The following FRMPD4 variants were observed in gnomAD, a reference collection of about 807,000 sequenced individuals.
FRMPD4 encodes the protein FERM and PDZ domain-containing protein 4.
A neutral mutation model predicts 94.1 loss-of-function variants in FRMPD4; 22 were observed. The ratio of observed to expected loss-of-function variants is 0.23; its 90% confidence interval spans 0.17 to 0.33. The LOEUF is 0.33. Among genes scored for constraint, FRMPD4 ranks in the 10% least tolerant of loss-of-function variants. The pLI is 1.00. For missense variants in FRMPD4, 1,111 were observed against 1,339.9 expected, an observed-to-expected ratio of 0.83 and a Z score of 2.67; for synonymous variants, 631 against 548.6, an observed-to-expected ratio of 1.15 and a Z score of -2.10.
At chrX:12,143,245 G>A (rs1035636314) in intron 1 of FRMPD4, among the ~76,000 whole-genome samples, 1 of 112,438 alleles carries the variant, frequency 8.9e-6, no homozygotes, top group African/African-American at 3.2e-5. Context: ...ACAGGGGTTG[G>A]CATACTGTGG....
chrX:12,121,355 G>A (rs956683683), intron 3 of FRMPD4, among the ~76,000 whole-genome samples: 2 of 111,320 alleles, frequency 1.8e-5, no homozygotes, highest in Admixed American at 1.9e-4. Context: ...TTATATGTGT[G>A]TAATAGATTT....
chrX:12,491,792 T>G (rs2057795526), intron 1 of FRMPD4, among the ~76,000 whole-genome samples: 1 of 111,814 alleles, frequency 8.9e-6, no homozygotes, highest in Non-Finnish European at 1.9e-5. Flanking sequence ...GATAGAAAGG[T>G]AAGGACATTG....
At chrX:12,194,946 A>G (rs1333659743) in intron 1 of FRMPD4, among the ~76,000 whole-genome samples, 1 of 111,819 alleles carries the variant, frequency 8.9e-6, no homozygotes, top group Admixed American at 9.4e-5. Flanking sequence ...GTTAATACAA[A>G]CCATGTTGCC....
At chrX:12,478,218 ATGT>A (rs1481960336) in intron 1 of FRMPD4, among the ~76,000 whole-genome samples, 7 of 111,715 alleles carry the variant, frequency 6.3e-5, no homozygotes, top group African/African-American at 2.3e-4. Flanking sequence ...GTAGGCCAGG[ATGT>A]TGGTTTCCAT....
At chrX:12,683,720 A>C (rs1450794696) in intron 6 of FRMPD4, 133 bp downstream of exon 6, 13 of 429,425 alleles carry the variant, frequency 3.0e-5, no homozygotes, top group Admixed American at 1.3e-4. Context: ...AGAGGTGTCA[A>C]ATCTCAAGGT....
rs1306593398 is a variant in FRMPD4 at position 12,720,735 on chromosome X, G to C, written c.4166G>C (p.Gly1389Ala). Residue 1389 changes from glycine to alanine, a missense_variant, in exon 17 of 17, where the codon GGG becomes GCG. By Grantham distance (60) the Gly-to-Ala change is moderately conservative. This residue lies in a region of FRMPD4 where 551 missense variants were observed against 591.6 expected (regional missense o/e 0.93). Transcript: ENST00000675598. ...AVSWRPPDLRGGSLRTPPSQK... is the reference protein window; with the variant it reads ...AVSWRPPDLRAGSLRTPPSQK... ...AGCTGGCGGCCACCGGATCTGAGAGGGGGGAGCCTCAGGACACCTCCCAGC... is the reference window on the plus strand; with the variant it reads ...AGCTGGCGGCCACCGGATCTGAGAGCGGGGAGCCTCAGGACACCTCCCAGC... The C allele has an allele frequency of 1.1e-5, 12 of 1,064,614 alleles. No homozygotes were observed. Among genetic ancestry groups the C allele is most frequent in the Non-Finnish European group, 1.3e-5 (11 of 828,077 alleles). 87.7% of individuals were successfully genotyped at this position (1,064,614 alleles called of 1,213,427 possible). A position where few individuals can be genotyped will look rare whatever the true frequency, so the allele number is the denominator to read the frequency against.
chrX:12,418,702 T>A (rs966987962), intron 1 of FRMPD4, among the ~76,000 whole-genome samples: 2 of 111,219 alleles, frequency 1.8e-5, no homozygotes, highest in Non-Finnish European at 3.8e-5. Flanking sequence ...TGTTTCTATG[T>A]GACAAGGTTG....
intron 2 of FRMPD4, among the ~76,000 whole-genome samples, chrX:12,550,912 C>T (rs780276448): frequency 3.7e-4 from 32 of 85,804 alleles, no homozygotes; most frequent in South Asian, 3.4e-3. Context: ...TAAATATATA[C>T]GAATACATAA....
intron 1 of FRMPD4, among the ~76,000 whole-genome samples, chrX:12,226,014 G>A (rs768173618): frequency 2.7e-5 from 3 of 111,802 alleles, no homozygotes; most frequent in Non-Finnish European, 3.8e-5. Context: ...AAATGAAAAC[G>A]GTGCCTGGCA....
intron 3 of FRMPD4, among the ~76,000 whole-genome samples, chrX:11,999,097 C>T (rs772667505): frequency 1.1e-4 from 12 of 111,623 alleles, no homozygotes; most frequent in Non-Finnish European, 1.9e-4. Flanking sequence ...CATCTGACCG[C>T]TATTGTATAA....
At chrX:12,140,366 A>G (rs756233164) in intron 1 of FRMPD4, among the ~76,000 whole-genome samples, 4 of 112,503 alleles carry the variant, frequency 3.6e-5, no homozygotes, top group Admixed American at 9.3e-5. Flanking sequence ...TAAGCAGTGG[A>G]TGATTGTGGT....
chrX:12,168,895 G>T lies in FRMPD4; in HGVS notation c.41+29883G>T, dbSNP rs183382522. On this transcript the variant is annotated intron_variant, in intron 1 of 16. Transcript: ENST00000675598. Reference sequence around the variant, plus strand: ...CCGCCTCGGCCTCCCAGAGTGCTGGGATTACAGGCGTGAGCCACCGTGCCT... The same window carrying T: ...CCGCCTCGGCCTCCCAGAGTGCTGGTATTACAGGCGTGAGCCACCGTGCCT... Among the ~76,000 whole-genome samples the T allele has an allele frequency of 5.3e-3, 594 of 111,814 alleles. 2 individuals carry two copies. The highest frequency in any genetic ancestry group is 0.018 in the Middle Eastern group (4 of 217).
chrX:12,462,055 G>A (rs949697053), intron 1 of FRMPD4, among the ~76,000 whole-genome samples: 2 of 111,473 alleles, frequency 1.8e-5, no homozygotes, highest in Non-Finnish European at 1.9e-5. Flanking sequence ...TAAAATAAAA[G>A]GAAAGAAGAA....
At chrX:11,843,025 G>C (rs1019515372) in intron 1 of FRMPD4, among the ~76,000 whole-genome samples, 2 of 111,964 alleles carry the variant, frequency 1.8e-5, no homozygotes, top group Non-Finnish European at 3.8e-5. Context: ...GGTAGATTTT[G>C]CTAAATACTT....
intron 1 of FRMPD4, among the ~76,000 whole-genome samples, chrX:12,146,193 C>A (rs1274331719): frequency 9.1e-6 from 1 of 110,108 alleles, no homozygotes; most frequent in Non-Finnish European, 1.9e-5. Context: ...CAAACCCCGT[C>A]TCTACTAAAA....
chrX:12,367,044 G>A (rs112672070), intron 1 of FRMPD4, among the ~76,000 whole-genome samples: 2,431 of 111,694 alleles, frequency 0.022, 41 homozygotes, highest in Non-Finnish European at 0.033. Flanking sequence ...CTCCTTGGGG[G>A]CATCAGGAGA....
chrX:12,153,213 G>A (rs992318898), intron 1 of FRMPD4, among the ~76,000 whole-genome samples: 1 of 111,506 alleles, frequency 9.0e-6, no homozygotes, highest in Non-Finnish European at 1.9e-5. Flanking sequence ...TGGGATTACA[G>A]GCGTGAGCCA....
Position 12,357,460 on chromosome X carries a change from A to G in FRMPD4, c.42-141220A>G, listed in dbSNP as rs2055911800. On this transcript the variant is annotated intron_variant, in intron 1 of 16. Transcript: ENST00000675598. The stretch of plus-strand genomic sequence containing the variant: ...TGGAATATAATGTTTAGCCTCTGTA[A>G]TCTGAACCCAACTGTGTGCAAATCA... 3.6e-5 allele frequency among the ~76,000 whole-genome samples: 4 copies of G among 111,851 alleles called. No individual in the cohort carries two copies. In the South Asian group the frequency reaches 1.5e-3, roughly 42 times the overall value.
intron 3 of FRMPD4, among the ~76,000 whole-genome samples, chrX:11,907,976 G>A (rs1358375483): frequency 2.9e-5 from 3 of 104,605 alleles, no homozygotes; most frequent in African/African-American, 1.1e-4. Flanking sequence ...CCTCTTCTTT[G>A]TCCTCCTCCT....
Sources: gnomAD v4.1 joint callset for allele counts (sites outside exome capture counted in the v4.1 genomes callset) on GRCh38, gnomAD v4.1.1 for gene constraint, gnomAD v4.1.1 regional missense constraint, MANE v1.5 for transcripts, NCBI Gene and HGNC (gene_info 2026-07-23, HGNC 2026-07-21) for gene names.